RMDN2: variants seen among roughly 807,000 people sequenced by gnomAD.
The protein encoded by RMDN2 is regulator of microtubule dynamics protein 2.
RMDN2 carries 61 observed loss-of-function variants against 52.8 expected under a neutral mutation model. The ratio of observed to expected loss-of-function variants is 1.16; its 90% CI spans 0.94 to 1.43. The LOEUF (loss-of-function observed/expected upper bound fraction) is 1.43, where lower values mean the gene tolerates loss of function less well. Among genes scored for constraint, RMDN2 ranks in the 40% most tolerant of loss-of-function variants. The pLI is 0.00. For synonymous variants in RMDN2, 180 were observed against 153.1 expected, an observed-to-expected ratio of 1.18 and a Z score of -1.30; for missense variants, 592 against 475.3, an observed-to-expected ratio of 1.25 and a Z score of -2.28.
chr2:37,951,418 C>G (rs1190870184), intron 2 of RMDN2: 1 of 1,612,720 alleles, frequency 6.2e-7, no homozygotes, highest in Non-Finnish European at 8.5e-7. Flanking sequence ...TTATCTGTAT[C>G]AAGTCCATCT....
Position 37,951,404 on chromosome 2 carries a change from GT to G in RMDN2, c.452+21677del, listed in dbSNP as rs776676715. On this transcript the variant is annotated intron_variant, in intron 2 of 10. Coordinates refer to ENST00000354545, the MANE Select transcript of RMDN2 (RefSeq NM_001170791.3). ...TCAATGCAGCCAAAGCAAGTAGAAG[GT>G]TATTATCTGTATCAAGTCCATCTTT... is the stretch of plus-strand genomic sequence containing the variant. The G allele has an allele frequency of 3.1e-6, 5 of 1,612,922 alleles. No individual in the cohort carries two copies. The South Asian group carries it at 5.5e-5, about 18-fold the overall frequency.
At chr2:37,929,755 T>C (rs990646312) in intron 2 of RMDN2, 26 bp downstream of exon 2, 99 of 1,408,288 alleles carry the variant, frequency 7.0e-5, no homozygotes, top group Non-Finnish European at 9.3e-5. Context: ...ATATTTCCTA[T>C]GTTGAATTGG....
At chr2:38,030,451 T>C (rs1365962824) in intron 10 of RMDN2, 3 of 152,182 alleles carry the variant, frequency 2.0e-5, no homozygotes, top group Non-Finnish European at 4.4e-5. Context: ...TTTAGTGCAG[T>C]CACAGAGGAT....
At chr2:37,958,674 G>T (rs1410158555) in intron 2 of RMDN2, among the ~76,000 whole-genome samples, 1 of 150,850 alleles carries the variant, frequency 6.6e-6, no homozygotes, top group Non-Finnish European at 1.5e-5. Context: ...CCAATACTGT[G>T]TTGAATGGGA....
chr2:37,981,243 T>C (rs1303111149), intron 4 of RMDN2, 40 bp from the exon 5 acceptor site: 1 of 1,209,170 alleles, frequency 8.3e-7, no homozygotes, highest in East Asian at 2.3e-5. Context: ...TCCTACCAAC[T>C]CACATGAAGG....
intron 8 of RMDN2, among the ~76,000 whole-genome samples, chr2:38,003,277 G>T (rs1419779920): frequency 6.6e-6 from 1 of 152,208 alleles, no homozygotes; most frequent in African/African-American, 2.4e-5. Context: ...GTGAGGCTGG[G>T]AGTGGTGGCT....
At chr2:38,021,465 A>C (rs1679372547), downstream of RMDN2, among the ~76,000 whole-genome samples, 1 of 152,106 alleles carries the variant, frequency 6.6e-6, no homozygotes, top group African/African-American at 2.4e-5. Flanking sequence ...CACTGCCTTT[A>C]TGAGCTGTAA....
At chr2:37,975,179 A>T in intron 3 of RMDN2, 33 bp from the exon 4 acceptor site, 1 of 1,273,962 alleles carries the variant, frequency 7.8e-7, no homozygotes, top group Non-Finnish European at 1.1e-6. Flanking sequence ...TTACCAAGTT[A>T]ATTTAACAGG....
chr2:37,939,974 T>C (rs1667640431), intron 2 of RMDN2, among the ~76,000 whole-genome samples: 1 of 152,198 alleles, frequency 6.6e-6, no homozygotes. Context: ...TTCTTCATAG[T>C]GTGGATGGTC....
Position 38,017,198 on chromosome 2 carries a change from C to A in RMDN2, c.1192C>A (p.Gln398Lys), listed in dbSNP as rs1678924256. 5 of 1,530,088 alleles carry A rather than the reference C, an allele frequency of 3.3e-6. No individual in the cohort carries two copies. Among genetic ancestry groups the A allele is most frequent in the Non-Finnish European group, 4.4e-6 (5 of 1,135,094 alleles). 94.8% of individuals were successfully genotyped at this position (1,530,088 alleles called of 1,614,324 possible). ...PTVTKEDKEA[Q>K]KEMQKIMTSL... is the part of the protein sequence containing the mutation. ...ATTTTCTTTATAGGATAAAGAGGCA[C>A]AGAAAGAGATGCAAAAAATAATGAC... Residue 398 changes from glutamine (Q) to lysine (K), a missense_variant, in exon 11 of 11, where the codon CAG (glutamine) becomes AAG (lysine). By Grantham distance (53) the Gln-to-Lys change is moderately conservative. Transcript: ENST00000354545.
chr2:38,052,167 C>T (rs1172039678), intron 10 of RMDN2, among the ~76,000 whole-genome samples: 1 of 152,166 alleles, frequency 6.6e-6, no homozygotes, highest in Non-Finnish European at 1.5e-5. Flanking sequence ...TCTCTACATC[C>T]TCCCCAGCAT....
intron 2 of RMDN2, among the ~76,000 whole-genome samples, chr2:37,970,445 A>G (rs1317324916): frequency 6.6e-6 from 1 of 152,116 alleles, no homozygotes; most frequent in Non-Finnish European, 1.5e-5. Flanking sequence ...TTGATATTTT[A>G]TTGAGGATTT....
At chr2:38,011,392 CAA>C (rs1677969265) in intron 10 of RMDN2, among the ~76,000 whole-genome samples, 1 of 151,878 alleles carries the variant, frequency 6.6e-6, no homozygotes, top group Admixed American at 6.6e-5. Context: ...GGAACAACAA[CAA>C]AAAAATAGGT....
At chr2:38,067,103 G>A in exon 11 of RMDN2, 1 of 1,031,764 alleles carries the variant, frequency 9.7e-7, no homozygotes, top group Non-Finnish European at 1.5e-6. Flanking sequence ...TTTTTACCAA[G>A]TAAAAAGATT....
At chr2:37,950,218 A>G in intron 2 of RMDN2, 1 of 373,686 alleles carries the variant, frequency 2.7e-6, no homozygotes, top group Non-Finnish European at 5.1e-6. Context: ...GTCCAAGGTG[A>G]GAGAGATGGT....
downstream of RMDN2, among the ~76,000 whole-genome samples, chr2:38,021,015 G>A (rs899458920): frequency 4.6e-5 from 7 of 152,314 alleles, no homozygotes; most frequent in East Asian, 7.7e-4. Flanking sequence ...CTAGCTAAGG[G>A]ATTGTAAATA....
At chr2:37,991,771 C>T (rs535433682) in intron 7 of RMDN2, among the ~76,000 whole-genome samples, 1 of 152,172 alleles carries the variant, frequency 6.6e-6, no homozygotes, top group South Asian at 2.1e-4. Context: ...ACTAACTGGC[C>T]AGGGATGAAT....
intron 2 of RMDN2, among the ~76,000 whole-genome samples, chr2:37,954,778 T>C (rs1386464333): frequency 6.6e-6 from 1 of 152,134 alleles, no homozygotes; most frequent in Non-Finnish European, 1.5e-5. Flanking sequence ...ATTGCATCTG[T>C]AGATTATTTT....
intron 2 of RMDN2, among the ~76,000 whole-genome samples, chr2:37,932,230 C>G (rs1286395954): frequency 8.0e-5 from 12 of 149,116 alleles, no homozygotes. Context: ...TGTTTGTGTC[C>G]CTGGGTACTT....
Sources: allele counts gnomAD v4.1 joint callset (sites outside exome capture counted in the v4.1 genomes callset), GRCh38; gene constraint gnomAD v4.1.1; transcripts MANE v1.5; gene names NCBI Gene and HGNC (gene_info 2026-07-23, HGNC 2026-07-21).